The following CACNB2 variants were observed in gnomAD, a reference collection of about 807,000 sequenced individuals.
CACNB2 encodes voltage-dependent L-type calcium channel subunit beta-2.
In CACNB2, 42 loss-of-function variants were observed where a neutral mutation model predicts 73.3. That is an observed-to-expected ratio of 0.57 (90% CI 0.45 to 0.74). CACNB2 has a LOEUF of 0.74. Ranked by LOEUF, CACNB2 falls within the 30% of genes least tolerant of loss-of-function variation. The pLI, the probability that CACNB2 is intolerant of heterozygous loss-of-function variation, is 0.00. For missense variants in CACNB2, 940 were observed against 853.0 expected, an observed-to-expected ratio of 1.10 and a Z score of -1.27; for synonymous variants, 348 against 310.3, an observed-to-expected ratio of 1.12 and a Z score of -1.28.
chr10:18,192,667 C>T (rs771410252), intron 2 of CACNB2, among the ~76,000 whole-genome samples: 14 of 152,214 alleles, frequency 9.2e-5, no homozygotes, highest in Non-Finnish European at 1.5e-4. Context: ...CAGGCCCTGG[C>T]AACCACCAAT....
intron 3 of CACNB2, among the ~76,000 whole-genome samples, chr10:18,411,229 G>T (rs191696799): frequency 6.6e-6 from 1 of 151,168 alleles, no homozygotes. Flanking sequence ...GTTCAAATAC[G>T]CATTAGCTTA....
chr10:18,306,336 G>A (rs1159398779), intron 2 of CACNB2, among the ~76,000 whole-genome samples: 3 of 152,174 alleles, frequency 2.0e-5, no homozygotes, highest in African/African-American at 7.2e-5. Context: ...GGAGAAAGTA[G>A]AAGATAGGAC....
At chr10:18,141,362 C>T in intron 1 of CACNB2, 3 of 760,448 alleles carry the variant, frequency 3.9e-6, no homozygotes, top group Non-Finnish European at 6.8e-6. Flanking sequence ...ATGGGGGTGC[C>T]CTGCCGGATC....
chr10:18,259,548 A>G (rs1049522007), intron 2 of CACNB2, among the ~76,000 whole-genome samples: 3 of 112,716 alleles, frequency 2.7e-5, no homozygotes, highest in African/African-American at 3.8e-5. Context: ...CTACTGAAAA[A>G]AAAACAAAAA....
chr10:18,208,664 C>T (rs1385364746), intron 2 of CACNB2, among the ~76,000 whole-genome samples: 1 of 151,872 alleles, frequency 6.6e-6, no homozygotes, highest in Admixed American at 6.6e-5. Context: ...TGACGTTATT[C>T]CTCATTCCTT....
At chr10:18,403,544 A>G (rs150279874) in intron 3 of CACNB2, among the ~76,000 whole-genome samples, 129 of 152,342 alleles carry the variant, frequency 8.5e-4, no homozygotes, top group African/African-American at 3.1e-3. Context: ...ATACAGCCCA[A>G]TAGACTGTAG....
intron 2 of CACNB2, among the ~76,000 whole-genome samples, chr10:18,266,807 T>C (rs2037824825): frequency 6.6e-6 from 1 of 152,100 alleles, no homozygotes; most frequent in Non-Finnish European, 1.5e-5. Context: ...GGAGAATCAC[T>C]GGAACCCCAG....
chr10:18,160,650 G>A (rs945499198), intron 2 of CACNB2, among the ~76,000 whole-genome samples: 3 of 152,164 alleles, frequency 2.0e-5, no homozygotes, highest in Non-Finnish European at 2.9e-5. Context: ...GAGTACTACT[G>A]AAGATTACTT....
At chr10:18,259,852 G>T (rs1210907358) in intron 2 of CACNB2, among the ~76,000 whole-genome samples, 18 of 152,130 alleles carry the variant, frequency 1.2e-4, no homozygotes, top group Non-Finnish European at 1.5e-5. Flanking sequence ...CAAGGCTGCA[G>T]TGAGCCATGA....
intron 2 of CACNB2, among the ~76,000 whole-genome samples, chr10:18,237,823 G>C (rs973747888): frequency 6.6e-6 from 1 of 152,234 alleles, no homozygotes; most frequent in Non-Finnish European, 1.5e-5. Context: ...ATATACCATA[G>C]ATGGAGTTGA....
At position 18,520,398 on chromosome 10, in the gene CACNB2, C is replaced by G. The variant is rs151141800; in HGVS notation, c.944+1430C>G. 3.5e-4 allele frequency among the ~76,000 whole-genome samples: 54 copies of G among 152,304 alleles called. 1 individual carries two copies. In the East Asian group the frequency reaches 5.0e-3, roughly 14 times the overall value. ...ATTCAGAATCGAAGCCCTTCTCACACATCCTCTGCCACCATTTTGGTCTGA... is the reference window on the plus strand; with the variant it reads ...ATTCAGAATCGAAGCCCTTCTCACAGATCCTCTGCCACCATTTTGGTCTGA... On this transcript the variant is annotated intron_variant, in intron 9 of 13. Coordinates refer to ENST00000324631, the MANE Select transcript of CACNB2 (RefSeq NM_201596.3).
At chr10:18,253,099 T>C (rs1390482867) in intron 2 of CACNB2, among the ~76,000 whole-genome samples, 1 of 152,174 alleles carries the variant, frequency 6.6e-6, no homozygotes, top group African/African-American at 2.4e-5. Flanking sequence ...CTCAATCACT[T>C]CGTATATGAA....
At chr10:18,514,929 A>T in intron 7 of CACNB2, 6 of 1,323,742 alleles carry the variant, frequency 4.5e-6, no homozygotes, top group Non-Finnish European at 6.5e-6. Flanking sequence ...TACTAAAAAA[A>T]AAAGTATTCA....
At chr10:18,464,931 A>G (rs2047794135) in intron 3 of CACNB2, among the ~76,000 whole-genome samples, 1 of 152,214 alleles carries the variant, frequency 6.6e-6, no homozygotes, top group African/African-American at 2.4e-5. Context: ...TATTCAACAG[A>G]ATGGGGCAGA....
intron 2 of CACNB2, among the ~76,000 whole-genome samples, chr10:18,209,857 T>G (rs1253098123): frequency 6.6e-6 from 1 of 152,202 alleles, no homozygotes; most frequent in Non-Finnish European, 1.5e-5. Flanking sequence ...AATAAAATTC[T>G]TTCAAGACCT....
chr10:18,416,344 T>A (rs1166059403), intron 3 of CACNB2, among the ~76,000 whole-genome samples: 1 of 152,258 alleles, frequency 6.6e-6, no homozygotes, highest in Non-Finnish European at 1.5e-5. Context: ...CATTTCTTTA[T>A]CCATTTATCT....
At chr10:18,249,313 G>A (rs180699492) in intron 2 of CACNB2, among the ~76,000 whole-genome samples, 4 of 152,150 alleles carry the variant, frequency 2.6e-5, no homozygotes, top group Admixed American at 1.3e-4. Flanking sequence ...CAAGGACTTT[G>A]CTCCTACAAT....
At chr10:18,420,637 A>C (rs1048257229) in intron 3 of CACNB2, among the ~76,000 whole-genome samples, 1 of 152,182 alleles carries the variant, frequency 6.6e-6, no homozygotes, top group Non-Finnish European at 1.5e-5. Flanking sequence ...CAGTCCACCA[A>C]TTCAAATGCT....
intron 2 of CACNB2, among the ~76,000 whole-genome samples, chr10:18,353,842 C>A (rs2041810764): frequency 6.6e-6 from 1 of 152,186 alleles, no homozygotes; most frequent in Non-Finnish European, 1.5e-5. Flanking sequence ...AAGCCATTAT[C>A]TATTTTTTTT....
Sources: gnomAD v4.1 joint callset for allele counts (sites outside exome capture counted in the v4.1 genomes callset) on GRCh38, gnomAD v4.1.1 for gene constraint, MANE v1.5 for transcripts, NCBI Gene and HGNC (gene_info 2026-07-23, HGNC 2026-07-21) for gene names.